CFAP54: variants seen among roughly 807,000 people sequenced by gnomAD.
CFAP54 encodes the protein cilia- and flagella-associated protein 54.
A neutral mutation model predicts 370.4 loss-of-function variants in CFAP54; 290 were observed. The ratio of observed to expected loss-of-function variants is 0.78; its 90% CI spans 0.71 to 0.86. CFAP54 has a LOEUF of 0.86. CFAP54 is among the 40% of genes least tolerant of loss of function. The pLI is 0.00. For missense variants in CFAP54, 3,399 were observed against 3,528.7 expected (o/e 0.96, Z 0.93); for synonymous variants, 1,206 against 1,236.5 (o/e 0.98, Z 0.52).
intron 40 of CFAP54, among the ~76,000 whole-genome samples, chr12:96,682,752 A>G (rs1358992478): frequency 6.6e-6 from 1 of 152,206 alleles, no homozygotes; most frequent in Non-Finnish European, 1.5e-5. Flanking sequence ...TAAAAGAAAG[A>G]TAAAAGAACC....
In CFAP54 at chr12:96,516,159, C is replaced by T. The variant is rs186652626; in HGVS notation, c.799-2769C>T. Among the ~76,000 whole-genome samples the T allele has an allele frequency of 3.3e-3, 497 of 152,138 alleles. 3 individuals are homozygous for T. Among genetic ancestry groups the T allele is most frequent in the African/African-American group, 0.012 (479 of 41,502 alleles). On this transcript the variant is annotated intron_variant, in intron 5 of 67. Transcript: ENST00000524981. ...CTTGATCTCCTGACCTCGTGATCCACCCGCCTCGGCCTCCCAAAGTGCTGG... is the reference window on the plus strand; with the variant it reads ...CTTGATCTCCTGACCTCGTGATCCATCCGCCTCGGCCTCCCAAAGTGCTGG...
intron 56 of CFAP54, among the ~76,000 whole-genome samples, chr12:96,754,944 A>G (rs1279202031): frequency 2.6e-5 from 4 of 151,982 alleles, no homozygotes; most frequent in African/African-American, 9.7e-5. Context: ...GGGTTTCACT[A>G]TGTTGGCCAG....
chr12:96,664,619 CGTATGTGTGT>C (rs1349908914), intron 39 of CFAP54, among the ~76,000 whole-genome samples: 62 of 56,392 alleles, frequency 1.1e-3, no homozygotes, highest in African/African-American at 5.3e-3. Flanking sequence ...TTACCAAGAA[CGTATGTGTGT>C]GTGTGTGTGT....
rs918633845 is a variant in CFAP54, at chr12:96,823,134, G to C, written c.9096+5221G>C. 1.2e-4 allele frequency among the ~76,000 whole-genome samples: 16 copies of C among 133,220 alleles called. No homozygotes were observed. In the South Asian group the frequency reaches 1.2e-3, roughly 10 times the overall value. The allele number at this position is 133,220 out of a possible 152,430, so 87.4% of individuals were successfully genotyped here. The stretch of plus-strand genomic sequence containing the variant: ...CGTGTGTGTTTGTCTGTGTGTGTGT[G>C]TGTCTGTGTGTGTGTGTGTGTTTTG... On this transcript the variant is annotated intron_variant, in intron 65 of 67. Transcript: ENST00000524981.
At chr12:96,787,376 G>C (rs1427123023) in intron 62 of CFAP54, among the ~76,000 whole-genome samples, 1 of 152,134 alleles carries the variant, frequency 6.6e-6, no homozygotes, top group African/African-American at 2.4e-5. Flanking sequence ...AAAGTGTGAA[G>C]ACTTTTTATT....
At chr12:96,716,754 G>A (rs1332993624) in intron 48 of CFAP54, among the ~76,000 whole-genome samples, 2 of 152,174 alleles carry the variant, frequency 1.3e-5, no homozygotes, top group African/African-American at 2.4e-5. Flanking sequence ...CCCTTAAATG[G>A]AACTCTGGAA....
At chr12:96,611,957 T>A (rs1956363080) in intron 26 of CFAP54, among the ~76,000 whole-genome samples, 1 of 152,190 alleles carries the variant, frequency 6.6e-6, no homozygotes, top group African/African-American at 2.4e-5. Flanking sequence ...GGAACCAGGT[T>A]GGAAAACACT....
chr12:96,873,512 C>T (rs1249324555), intron 67 of CFAP54, among the ~76,000 whole-genome samples: 1 of 152,192 alleles, frequency 6.6e-6, no homozygotes, highest in Admixed American at 6.5e-5. Context: ...CAGCAGTCCC[C>T]TTCCTTGTGA....
chr12:96,854,288 A>C (rs983988012), intron 66 of CFAP54, among the ~76,000 whole-genome samples: 3 of 152,136 alleles, frequency 2.0e-5, no homozygotes, highest in Non-Finnish European at 4.4e-5. Flanking sequence ...AGCTTGCCAA[A>C]ATGTTTCTTG....
chr12:96,779,107 C>CA (rs35990040), intron 60 of CFAP54, among the ~76,000 whole-genome samples: 24,781 of 103,328 alleles, frequency 0.24, 2,672 homozygotes, highest in Middle Eastern at 0.29. Context: ...ATCTCCATCT[C>CA]AAAAAAAAAA....
chr12:96,576,384 T>C (rs7311466), intron 19 of CFAP54, among the ~76,000 whole-genome samples: 30,667 of 151,130 alleles, frequency 0.2, 3,298 homozygotes, highest in South Asian at 0.27. Context: ...TTGGTGATCA[T>C]GATTAACCTT....
At chr12:96,821,754 T>A (rs1018037037) in intron 65 of CFAP54, among the ~76,000 whole-genome samples, 1 of 150,974 alleles carries the variant, frequency 6.6e-6, no homozygotes, top group African/African-American at 2.4e-5. Context: ...ATAAATTCCA[T>A]TGACTAAATC....
intron 16 of CFAP54, 123 bp from the exon 17 acceptor site, chr12:96,554,550 TGAG>T (rs1212754769): frequency 1.3e-5 from 15 of 1,123,488 alleles, no homozygotes; most frequent in Non-Finnish European, 1.7e-5. Flanking sequence ...TGCAAAGGGC[TGAG>T]AAGTGAGCAG....
intron 64 of CFAP54, among the ~76,000 whole-genome samples, chr12:96,814,184 A>T (rs2136730811): frequency 6.6e-6 from 1 of 152,346 alleles, no homozygotes; most frequent in Admixed American, 6.5e-5. Context: ...AAGTATTATA[A>T]AGGAAAGCTA....
At chr12:96,776,469 T>C (rs1161415305) in intron 60 of CFAP54, among the ~76,000 whole-genome samples, 1 of 152,222 alleles carries the variant, frequency 6.6e-6, no homozygotes, top group Non-Finnish European at 1.5e-5. Context: ...ATCTCATTAA[T>C]GTCTGACCCA....
rs115168180 is a variant in CFAP54 at position 96,818,033 on chromosome 12, C to T, written c.9096+120C>T. The T allele has an allele frequency of 3.5e-3, 2,413 of 694,204 alleles. 38 individuals carry two copies. The African/African-American group carries it at 0.038, about 11-fold the overall frequency. The allele number at this position is 694,204 out of a possible 1,614,324, so 43.0% of individuals were successfully genotyped here. ...TTCTGCCTCTAGTTTATTCAGAGTACGAGACATGACTCAACTTTTTGACAC... is the reference window on the plus strand; with the variant it reads ...TTCTGCCTCTAGTTTATTCAGAGTATGAGACATGACTCAACTTTTTGACAC... On this transcript the variant is annotated intron_variant, in intron 65 of 67. Transcript: ENST00000524981.
In CFAP54 at chr12:96,658,151, A is replaced by G. The variant is rs1045080253; in HGVS notation, c.5324+46A>G. On this transcript the variant is annotated intron_variant, in intron 37 of 67. Coordinates refer to ENST00000524981, the MANE Select transcript of CFAP54 (RefSeq NM_001306084.2). ...AATTAAAAGTAGAAGACTTCATTGA[A>G]AAAAAAAAAAGTCTTTTAACTAATG... 6 of 1,520,902 alleles carry G rather than the reference A, an allele frequency of 3.9e-6. No homozygotes were observed. In the African/African-American group the frequency reaches 5.7e-5, roughly 14 times the overall value. 94.2% of individuals were successfully genotyped at this position (1,520,902 alleles called of 1,614,324 possible). A position where few individuals can be genotyped will look rare whatever the true frequency, so the allele number is the denominator to read the frequency against.
rs77307934 is a variant in CFAP54 at position 96,538,338 on chromosome 12, G to A, written c.1792-46G>A. 3,564 of 1,431,150 alleles carry A rather than the reference G, an allele frequency of 2.5e-3. 92 individuals are homozygous for A. In the African/African-American group the frequency reaches 0.046, roughly 18 times the overall value. The allele number at this position is 1,431,150 out of a possible 1,614,324, so 88.7% of individuals were successfully genotyped here. A position where few individuals can be genotyped will look rare whatever the true frequency, so the allele number is the denominator to read the frequency against. ...AGCACACAGTAAATGTTATATACAT[G>A]TATTTTATTATTCCTACTCATTTAC... is the stretch of plus-strand genomic sequence containing the variant. On this transcript the variant is annotated intron_variant, in intron 12 of 67. Coordinates refer to ENST00000524981, the MANE Select transcript of CFAP54 (RefSeq NM_001306084.2).
chr12:96,526,530 G>C (rs542498816), intron 8 of CFAP54, among the ~76,000 whole-genome samples: 1 of 152,242 alleles, frequency 6.6e-6, no homozygotes, highest in South Asian at 2.1e-4. Context: ...AAAGTGTCCA[G>C]ACACACAAAA....
Sources: allele counts gnomAD v4.1 joint callset (sites outside exome capture counted in the v4.1 genomes callset), GRCh38; gene constraint gnomAD v4.1.1; transcripts MANE v1.5; gene names NCBI Gene and HGNC (gene_info 2026-07-23, HGNC 2026-07-21).